Variants in SETDB1 observed in about 807,000 individuals in gnomAD.
SETDB1 encodes the protein SET domain bifurcated histone lysine methyltransferase 1.
SETDB1 carries 31 observed loss-of-function variants against 137.4 expected under a neutral mutation model. That is an observed-to-expected ratio of 0.23 (90% CI 0.17 to 0.30). The LOEUF is 0.30. SETDB1 is among the 10% of genes least tolerant of loss of function. SETDB1 has a pLI of 1.00. For synonymous variants in SETDB1, 548 were observed against 579.9 expected (o/e 0.95, Z 0.79); for missense variants, 1,113 against 1,631.5 (o/e 0.68, Z 5.47).
chr1:150,927,755 C>T lies in SETDB1; in HGVS notation c.41C>T (p.Thr14Ile). Residue 14 changes from threonine (T) to isoleucine (I), a missense_variant, in exon 2 of 22, where the codon ACA (threonine) becomes ATA (isoleucine). Physicochemically the swap from Thr to Ile is moderately conservative, Grantham distance 89 (BLOSUM62 -1). Transcript: ENST00000692827. ...LPGCIGLDAA[T>I]ATVESEEIAE... ...GGGTGCATTGGTTTGGATGCAGCAA[C>T]AGCTACAGTGGAGTCTGAAGAGATT... 1 of 1,614,112 alleles carries T rather than the reference C, an allele frequency of 6.2e-7. No individual in the cohort carries two copies. Among genetic ancestry groups the T allele is most frequent in the Non-Finnish European group, 8.5e-7 (1 of 1,179,966 alleles).
intron 3 of SETDB1, among the ~76,000 whole-genome samples, chr1:150,938,974 G>A (rs1670041693): frequency 6.6e-6 from 1 of 151,862 alleles, no homozygotes; most frequent in Non-Finnish European, 1.5e-5. Flanking sequence ...CTGGTCTTAC[G>A]CTGCACCAAG....
At chr1:150,940,423 C>T (rs917558410) in intron 4 of SETDB1, among the ~76,000 whole-genome samples, 1 of 151,624 alleles carries the variant, frequency 6.6e-6, no homozygotes, top group Non-Finnish European at 1.5e-5. Flanking sequence ...TAAAAATTAG[C>T]TGGGCATGGT....
chr1:150,959,064 C>G (rs992429614), intron 14 of SETDB1, 114 bp from the exon 15 acceptor site: 14 of 721,242 alleles, frequency 1.9e-5, no homozygotes, highest in Non-Finnish European at 3.0e-5. Context: ...AATTTTTAAT[C>G]TTTATCCACA....
intron 4 of SETDB1, among the ~76,000 whole-genome samples, chr1:150,940,801 C>T (rs900640815): frequency 1.3e-5 from 2 of 151,858 alleles, no homozygotes; most frequent in Admixed American, 1.3e-4. Context: ...AGTTTGAGAC[C>T]AGCCTGGCTA....
chr1:150,932,219 C>G (rs1669782037), intron 3 of SETDB1, among the ~76,000 whole-genome samples: 1 of 149,404 alleles, frequency 6.7e-6, no homozygotes, highest in Non-Finnish European at 1.5e-5. Flanking sequence ...AACCCCTTCT[C>G]TAATTTTTTT....
Position 150,950,879 on chromosome 1 carries a change from C to T in SETDB1, c.2005C>T (p.Arg669Ter). The T allele has an allele frequency of 6.2e-7, 1 of 1,614,050 alleles. No homozygotes were observed. The highest frequency in any genetic ancestry group is 8.5e-7 in the Non-Finnish European group (1 of 1,180,032). The change falls in exon 13 of 22, where the codon CGA becomes TGA. Residue 669 changes from arginine to a stop codon, truncating the protein, a stop_gained. Transcript: ENST00000692827. LOFTEE classifies it high-confidence loss of function. ...TTTGGATCCATATGTTCTTGTGGACCGAAAGTTTCAGCCCTATAAGCCTTT... is the reference window on the plus strand; with the variant it reads ...TTTGGATCCATATGTTCTTGTGGACTGAAAGTTTCAGCCCTATAAGCCTTT... ...FCLDPYVLVDRKFQPYKPFYY... is the reference protein window; with the variant it reads ...FCLDPYVLVD
In SETDB1 at chr1:150,950,815, C is replaced by T. The variant is rs1441570714; in HGVS notation, c.1941C>T (p.Phe647=). 1.5e-5 allele frequency: 24 copies of T among 1,614,088 alleles called. No individual in the cohort carries two copies. The highest frequency in any genetic ancestry group is 4.5e-5 in the East Asian group (2 of 44,894). Residue 647 remains phenylalanine, a synonymous_variant, in exon 13 of 22, where the codon TTC becomes TTT. Coordinates refer to ENST00000692827, the MANE Select transcript of SETDB1 (RefSeq NM_001366418.1). ...TGCAGGAGATAGAACGCTACCTTTT[C>T]GAGACTGGCTGTGACTTCCTCTTCC... ...RTMQEIERYL[F]ETGCDFLFLE... is the part of the protein sequence containing the mutation.
chr1:150,963,518 C>T lies in SETDB1; in HGVS notation c.3461-12C>T, dbSNP rs778655551. The T allele has an allele frequency of 5.0e-6, 8 of 1,601,168 alleles. No individual in the cohort carries two copies. The highest frequency in any genetic ancestry group is 6.8e-6 in the Non-Finnish European group (8 of 1,172,188). On this transcript the variant is annotated splice_polypyrimidine_tract_variant and intron_variant, in intron 19 of 21. Transcript: ENST00000692827. Reference sequence around the variant, plus strand: ...TGGGATGGGTCCTGACCCCATTCTCCCTCCTGTCCAGGTCCAATGAAGCGT... The same window carrying T: ...TGGGATGGGTCCTGACCCCATTCTCTCTCCTGTCCAGGTCCAATGAAGCGT...
chr1:150,929,903 T>A, intron 2 of SETDB1, 64 bp from the exon 3 acceptor site: 1 of 1,351,506 alleles, frequency 7.4e-7, no homozygotes, highest in Non-Finnish European at 1.0e-6. Flanking sequence ...TACATCGTAA[T>A]GGATTCTATA....
Position 150,956,091 on chromosome 1 carries a change from C to CAAAAA in SETDB1, c.2334-3076_2334-3072dup, listed in dbSNP as rs3975893. Among the ~76,000 whole-genome samples the CAAAAA allele has an allele frequency of 8.0e-4, 81 of 101,180 alleles. 1 individual carries two copies. The highest frequency in any genetic ancestry group is 2.3e-3 in the Admixed American group (21 of 8,970). 66.4% of individuals were successfully genotyped at this position (101,180 alleles called of 152,430 possible). ...TGGGCGACAGAAGGAGACTTCGTCTCAAAAAAAAAAAAAAAGCCAAGCGCA... is the reference window on the plus strand; with the variant it reads ...TGGGCGACAGAAGGAGACTTCGTCTCAAAAAAAAAAAAAAAAAAAAGCCAAGCGCA... On this transcript the variant is annotated intron_variant, in intron 14 of 21. Coordinates refer to ENST00000692827, the MANE Select transcript of SETDB1 (RefSeq NM_001366418.1).
At chr1:150,941,249 C>A in intron 4 of SETDB1, 80 bp from the exon 5 acceptor site, 1 of 752,226 alleles carries the variant, frequency 1.3e-6, no homozygotes, top group South Asian at 1.7e-5. Flanking sequence ...TTGTGAAATA[C>A]AAGTTGTTTC....
rs1454215279 is a variant in SETDB1 at position 150,950,783 on chromosome 1, C to G, written c.1909C>G (p.Arg637Gly). 1 of 1,614,060 alleles carries G rather than the reference C, an allele frequency of 6.2e-7. No individual in the cohort carries two copies. The highest frequency in any genetic ancestry group is 8.5e-7 in the Non-Finnish European group (1 of 1,180,036). Residue 637 changes from arginine (R) to glycine (G), a missense_variant, in exon 13 of 22, where the codon CGG (arginine) becomes GGG (glycine). Around this residue, in one of 11 missense-constraint regions of SETDB1, gnomAD observed 55 missense variants for 118.5 expected, o/e 0.46. Transcript: ENST00000692827. ...TAAGACACCTTGTGGTCTCTGCCTT[C>G]GGACAATGCAGGAGATAGAACGCTA... ...IYKTPCGLCL[R>G]TMQEIERYLF...
chr1:150,953,564 C>A (rs1415825400), intron 14 of SETDB1, among the ~76,000 whole-genome samples: 1 of 151,436 alleles, frequency 6.6e-6, no homozygotes. Context: ...CGCGGTGGCT[C>A]ATGCCTGTAA....
Position 150,959,274 on chromosome 1 carries a change from G to A in SETDB1, c.2430G>A (p.Lys810=). 6.2e-7 allele frequency: 1 copy of A among 1,610,426 alleles called. No individual in the cohort carries two copies. Among genetic ancestry groups the A allele is most frequent in the Admixed American group, 1.7e-5 (1 of 59,070 alleles). The change falls in exon 15 of 22, where the codon AAG becomes AAA. Residue 810 remains lysine, a synonymous_variant. Coordinates refer to ENST00000692827, the MANE Select transcript of SETDB1 (RefSeq NM_001366418.1). The stretch of plus-strand genomic sequence containing the variant: ...TACAAGTTCGGCTACAGCTATTCAA[G>A]ACACAGAACAAGGGCTGGGGTATCC... ...HGLQVRLQLF[K]TQNKGWGIRC...
At position 150,947,107 on chromosome 1, in the gene SETDB1, C is replaced by T; in HGVS notation, c.1267+95C>T. On this transcript the variant is annotated intron_variant, in intron 10 of 21. Coordinates refer to ENST00000692827, the MANE Select transcript of SETDB1 (RefSeq NM_001366418.1). ...CTATCCTTTGATTAGCATGGTTACA[C>T]TGTATACTCATTGGAAACAGGATAT... The T allele has an allele frequency of 2.1e-6, 3 of 1,422,702 alleles. 1 individual carries two copies. The South Asian group carries it at 3.8e-5, about 18-fold the overall frequency. 88.1% of individuals were successfully genotyped at this position (1,422,702 alleles called of 1,614,324 possible).
At chr1:150,948,066 C>CA (rs1670380801) in intron 10 of SETDB1, among the ~76,000 whole-genome samples, 1 of 150,560 alleles carries the variant, frequency 6.6e-6, no homozygotes, top group African/African-American at 2.4e-5. Context: ...ACTCTTATCT[C>CA]TTAAAAAAAA....
intron 3 of SETDB1, among the ~76,000 whole-genome samples, chr1:150,937,072 C>G (rs1460358411): frequency 6.6e-6 from 1 of 151,876 alleles, no homozygotes; most frequent in Non-Finnish European, 1.5e-5. Flanking sequence ...TTGCTGTGAG[C>G]CAAGATTGGG....
In SETDB1 at chr1:150,950,480, T is replaced by G; in HGVS notation, c.1606T>G (p.Ser536Ala). ...CAGATCACCTTTAGGCTCCACAGCC[T>G]CTGCCCCAGCACCCTCAGCACTCCC... ...TYRSPLGSTASAPAPSALPAP... is the reference protein window; with the variant it reads ...TYRSPLGSTAAAPAPSALPAP... Residue 536 changes from serine (S) to alanine (A), a missense_variant, in exon 13 of 22, where the codon TCT becomes GCT. Coordinates refer to ENST00000692827, the MANE Select transcript of SETDB1 (RefSeq NM_001366418.1). The G allele has an allele frequency of 6.2e-7, 1 of 1,606,048 alleles. No individual in the cohort carries two copies. The highest frequency in any genetic ancestry group is 8.5e-7 in the Non-Finnish European group (1 of 1,175,960).
chr1:150,963,796 T>C (rs931664168), intron 20 of SETDB1, 55 bp downstream of exon 20: 2 of 1,531,680 alleles, frequency 1.3e-6, no homozygotes. Context: ...TCCTCAGATT[T>C]CTTTTAACAT....
Sources: allele counts gnomAD v4.1 joint callset (sites outside exome capture counted in the v4.1 genomes callset), GRCh38; gene constraint gnomAD v4.1.1; regional missense constraint gnomAD v4.1.1; transcripts MANE v1.5; gene names NCBI Gene and HGNC (gene_info 2026-07-23, HGNC 2026-07-21).